The following LRRK1 variants were observed in gnomAD, a reference collection of about 807,000 sequenced individuals.
The protein encoded by LRRK1 is leucine-rich repeat serine/threonine-protein kinase 1.
A neutral mutation model predicts 209.1 loss-of-function variants in LRRK1; 113 were observed. The ratio of observed to expected loss-of-function variants is 0.54; its 90% CI spans 0.46 to 0.63. The LOEUF (loss-of-function observed/expected upper bound fraction) is 0.63. LRRK1 is among the 30% of genes least tolerant of loss of function. LRRK1 has a pLI of 0.00. For missense variants in LRRK1, 2,284 were observed against 2,632.2 expected, an observed-to-expected ratio of 0.87 and a Z score of 2.89; for synonymous variants, 1,144 against 1,099.7, an observed-to-expected ratio of 1.04 and a Z score of -0.80.
In LRRK1 at chr15:101,065,635, C is replaced by T; in HGVS notation, c.5198C>T (p.Pro1733Leu). 1 of 1,614,166 alleles carries T rather than the reference C, an allele frequency of 6.2e-7. No homozygotes were observed. Among genetic ancestry groups the T allele is most frequent in the Non-Finnish European group, 8.5e-7 (1 of 1,180,028 alleles). ...AGGCGGCTGGAGCCCTACATGGCCC[C>T]CTCCATGGTTACGTCAGTCGTGTGC... ...ICRRLEPYMA[P>L]SMVTSVVCSS... Residue 1733 changes from proline (P) to leucine (L), a missense_variant, in exon 32 of 34, where the codon CCC becomes CTC. This residue lies in a region of LRRK1 where 643 missense variants were observed against 695.9 expected (regional missense o/e 0.92). Coordinates refer to ENST00000388948, the MANE Select transcript of LRRK1 (RefSeq NM_024652.6).
chr15:101,045,347 G>A (rs1596315884), intron 20 of LRRK1, among the ~76,000 whole-genome samples: 1 of 152,150 alleles, frequency 6.6e-6, no homozygotes, highest in African/African-American at 2.4e-5. Flanking sequence ...GCTGGTTTTC[G>A]GGCACCCTTT....
chr15:100,976,789 T>A (rs1443687933), intron 3 of LRRK1, among the ~76,000 whole-genome samples: 1 of 152,236 alleles, frequency 6.6e-6, no homozygotes, highest in Non-Finnish European at 1.5e-5. Flanking sequence ...AACTGTTCCA[T>A]CCACAGGAGA....
intron 12 of LRRK1, among the ~76,000 whole-genome samples, chr15:101,019,064 T>G (rs922196692): frequency 6.6e-5 from 10 of 152,242 alleles, no homozygotes; most frequent in African/African-American, 1.2e-4. Flanking sequence ...AAATAACTTA[T>G]GAATAAATAA....
chr15:101,038,956 A>G (rs1218115848), intron 20 of LRRK1, among the ~76,000 whole-genome samples: 1 of 152,214 alleles, frequency 6.6e-6, no homozygotes, highest in Non-Finnish European at 1.5e-5. Flanking sequence ...TCCATAACTT[A>G]ATCACATCTA....
chr15:100,959,660 G>T (rs529722819), intron 2 of LRRK1, among the ~76,000 whole-genome samples: 5 of 152,308 alleles, frequency 3.3e-5, no homozygotes, highest in Middle Eastern at 3.4e-3. Flanking sequence ...ACCCCCATTT[G>T]TGTGCTCACC....
intron 6 of LRRK1, among the ~76,000 whole-genome samples, chr15:101,000,281 AT>A (rs1220494412): frequency 6.6e-6 from 1 of 150,964 alleles, no homozygotes; most frequent in African/African-American, 2.4e-5. Context: ...TTAAAATTAC[AT>A]TTCTAATCTA....
At chr15:100,929,439 A>G (rs1446289638) in intron 2 of LRRK1, among the ~76,000 whole-genome samples, 1 of 152,112 alleles carries the variant, frequency 6.6e-6, no homozygotes, top group East Asian at 1.9e-4. Flanking sequence ...GCTACTTCCA[A>G]TGTCTTGTTT....
intron 20 of LRRK1, among the ~76,000 whole-genome samples, chr15:101,039,862 C>A (rs1444359016): frequency 6.6e-6 from 1 of 152,116 alleles, no homozygotes; most frequent in Non-Finnish European, 1.5e-5. Flanking sequence ...AGTTATTTTT[C>A]TGTTAAATAT....
rs2034019987 is a variant in LRRK1, at chr15:101,026,105, A to G, written c.2373A>G (p.Thr791=). The stretch of plus-strand genomic sequence containing the variant: ...GCTCCCCCTCCGGCTCCAGGGCCAC[A>G]GGCTTCCCAGACATCACCTTCAAAC... ...LCRSPSGSRA[T]GFPDITFKHL... is the part of the protein sequence containing the mutation. The change falls in exon 17 of 34, where the codon ACA becomes ACG. Residue 791 remains threonine, a synonymous_variant. Coordinates refer to ENST00000388948, the MANE Select transcript of LRRK1 (RefSeq NM_024652.6). 1 of 1,614,234 alleles carries G rather than the reference A, an allele frequency of 6.2e-7. No individual in the cohort carries two copies. The highest frequency in any genetic ancestry group is 8.5e-7 in the Non-Finnish European group (1 of 1,180,044).
intron 3 of LRRK1, among the ~76,000 whole-genome samples, chr15:100,982,109 G>T (rs549817144): frequency 6.6e-6 from 1 of 151,626 alleles, no homozygotes; most frequent in East Asian, 1.9e-4. Context: ...ACACACAGTA[G>T]ATCCTCAGTA....
rs750939350 is a variant in LRRK1 at position 101,024,739 on chromosome 15, G to A, written c.2068-64G>A. Reference sequence around the variant, plus strand: ...GCCTCCAGAGTTATCCGTTGTCTCCGTTTGATTGACTGAAGCCTTTGTCTC... The same window carrying A: ...GCCTCCAGAGTTATCCGTTGTCTCCATTTGATTGACTGAAGCCTTTGTCTC... On this transcript the variant is annotated intron_variant, in intron 15 of 33. Transcript: ENST00000388948. This position sits in a 1 kb window ranked among gnomAD's most constrained non-coding sequence, Gnocchi z 4.6. 33 of 1,542,186 alleles carry A rather than the reference G, an allele frequency of 2.1e-5. No individual in the cohort carries two copies. The highest frequency in any genetic ancestry group is 2.4e-5 in the Non-Finnish European group (27 of 1,127,684).
In LRRK1 at chr15:101,048,593, A is replaced by G; in HGVS notation, c.3235A>G (p.Lys1079Glu). 1 of 1,574,878 alleles carries G rather than the reference A, an allele frequency of 6.3e-7. No individual in the cohort carries two copies. Among genetic ancestry groups the G allele is most frequent in the Admixed American group, 2.0e-5 (1 of 50,516 alleles). ...AAATCGCTGTAGCACATTCAGAGTG[A>G]AAAGAAATCAGACCATCTATTGGCA... ...QRNRCSTFRV[K>E]RNQTIYWQEG... Residue 1079 changes from lysine to glutamate, a missense_variant, in exon 22 of 34, where the codon AAA (lysine) becomes GAA (glutamate). Lys to Glu is a moderately conservative substitution (Grantham distance 56, BLOSUM62 1). Transcript: ENST00000388948.
chr15:101,044,163 C>G (rs2034922455), intron 20 of LRRK1: 1 of 152,304 alleles, frequency 6.6e-6, no homozygotes, highest in Non-Finnish European at 1.5e-5. Context: ...ACATTTGCGG[C>G]TCCTCTCAGA....
At chr15:101,036,094 G>A (rs2034483711) in intron 20 of LRRK1, among the ~76,000 whole-genome samples, 2 of 152,074 alleles carry the variant, frequency 1.3e-5, no homozygotes, top group East Asian at 1.9e-4. Context: ...CTCTGTTTGG[G>A]GATCTCAGAG....
Position 101,074,086 on chromosome 15 carries a change from T to C in LRRK1, c.*5238T>C, listed in dbSNP as rs920271428. 6.6e-6 allele frequency: 1 copy of C among 152,150 alleles called. No homozygotes were observed. Among genetic ancestry groups the C allele is most frequent in the Non-Finnish European group, 1.5e-5 (1 of 68,036 alleles). 9.4% of individuals were successfully genotyped at this position (152,150 alleles called of 1,614,324 possible). A position where few individuals can be genotyped will look rare whatever the true frequency, so the allele number is the denominator to read the frequency against. ...ACATCAGTCCCTCCCTAGTCTCTGT[T>C]CCCAGTGCAACTCATCCCAAATCTT... On this transcript the variant is annotated 3_prime_UTR_variant, in exon 34 of 34. Coordinates refer to ENST00000388948, the MANE Select transcript of LRRK1 (RefSeq NM_024652.6).
At position 101,076,063 on chromosome 15, in the gene LRRK1, C is replaced by T. The variant is rs1435614671; in HGVS notation, c.*7215C>T. The stretch of plus-strand genomic sequence containing the variant: ...CAACCCCTTCTACAAAACAAGAACT[C>T]CTTTCCTTCCTAGGCATGGTTAGTG... On this transcript the variant is annotated 3_prime_UTR_variant, in exon 34 of 34. Coordinates refer to ENST00000388948, the MANE Select transcript of LRRK1 (RefSeq NM_024652.6). 1 of 152,198 alleles carries T rather than the reference C, an allele frequency of 6.6e-6. No homozygotes were observed. Among genetic ancestry groups the T allele is most frequent in the African/African-American group, 2.4e-5 (1 of 41,438 alleles). 9.4% of individuals were successfully genotyped at this position (152,198 alleles called of 1,614,324 possible).
chr15:101,049,890 C>A, intron 23 of LRRK1, 107 bp downstream of exon 23: 1 of 1,270,760 alleles, frequency 7.9e-7, no homozygotes, highest in South Asian at 1.5e-5. Flanking sequence ...GGGATTCAGC[C>A]CAAGAAAACT....
chr15:101,039,881 A>G (rs1233041519), intron 20 of LRRK1, among the ~76,000 whole-genome samples: 1 of 152,106 alleles, frequency 6.6e-6, no homozygotes, highest in Non-Finnish European at 1.5e-5. Flanking sequence ...ATGTTGATGG[A>G]TTTTCAAATG....
intron 31 of LRRK1, 94 bp downstream of exon 31, chr15:101,062,784 C>CCA: frequency 1.1e-6 from 1 of 898,302 alleles, no homozygotes; most frequent in South Asian, 1.3e-5. Context: ...GCCTGCAGAG[C>CCA]CACACCTAGG....
Sources: allele counts gnomAD v4.1 joint callset (sites outside exome capture counted in the v4.1 genomes callset), GRCh38; gene constraint gnomAD v4.1.1; regional missense constraint gnomAD v4.1.1; non-coding constraint Gnocchi (gnomAD v3.1); transcripts MANE v1.5; gene names NCBI Gene and HGNC (gene_info 2026-07-23, HGNC 2026-07-21).